CDH13: variants seen among roughly 807,000 people sequenced by gnomAD.
CDH13 encodes the protein cadherin 13, also known as cadherin-13.
In CDH13, 24 loss-of-function variants were observed where a neutral mutation model predicts 63.8. That is an observed-to-expected ratio of 0.38 (90% CI 0.27 to 0.53). CDH13 has a LOEUF of 0.53. Ranked by LOEUF, CDH13 falls within the 20% of genes least tolerant of loss-of-function variation. The pLI is 0.85. For missense variants in CDH13, 1,049 were observed against 903.1 expected (o/e 1.16, Z -2.07); for synonymous variants, 503 against 355.3 (o/e 1.42, Z -4.67).
In CDH13 at chr16:83,429,951, C is replaced by T. The variant is rs529822712; in HGVS notation, c.782-56526C>T. On this transcript the variant is annotated intron_variant, in intron 6 of 13. Transcript: ENST00000567109. Reference sequence around the variant, plus strand: ...CCCATTGATTATTAATTCCTCATTTCCCCTCCCTTCAGCCCCTGGCAACCA... The same window carrying T: ...CCCATTGATTATTAATTCCTCATTTTCCCTCCCTTCAGCCCCTGGCAACCA... Among the ~76,000 whole-genome samples, 38 of 152,244 alleles carry T rather than the reference C, an allele frequency of 2.5e-4. No individual in the cohort carries two copies. The South Asian group carries it at 3.9e-3, about 16-fold the overall frequency.
chr16:82,983,343 G>T (rs1382383159), intron 2 of CDH13, among the ~76,000 whole-genome samples: 3 of 151,990 alleles, frequency 2.0e-5, no homozygotes, highest in Non-Finnish European at 4.4e-5. Flanking sequence ...TTCTCACCCG[G>T]CTGTTTCCCC....
intron 6 of CDH13, among the ~76,000 whole-genome samples, chr16:83,482,842 T>TGA (rs531037729): frequency 2.2e-4 from 33 of 152,258 alleles, no homozygotes; most frequent in Middle Eastern, 3.4e-3. Flanking sequence ...AGGGACCCGG[T>TGA]GAGAGAGAGG....
At chr16:83,454,865 C>T (rs1202190569) in intron 6 of CDH13, among the ~76,000 whole-genome samples, 2 of 152,086 alleles carry the variant, frequency 1.3e-5, no homozygotes, top group African/African-American at 2.4e-5. Context: ...TGCCACCACA[C>T]CTGGCTAAGT....
intron 6 of CDH13, among the ~76,000 whole-genome samples, chr16:83,346,065 G>A (rs377009918): frequency 6.6e-6 from 1 of 152,110 alleles, no homozygotes; most frequent in South Asian, 2.1e-4. Context: ...AAGGAGCTGG[G>A]TCTTTATGCA....
intron 6 of CDH13, among the ~76,000 whole-genome samples, chr16:83,425,140 T>C (rs191530325): frequency 3.3e-4 from 51 of 152,318 alleles, no homozygotes; most frequent in African/African-American, 1.2e-3. Context: ...CTATGGTATT[T>C]GTAAAAGGTC....
chr16:82,751,983 C>T (rs1236274081), intron 1 of CDH13, among the ~76,000 whole-genome samples: 1 of 152,166 alleles, frequency 6.6e-6, no homozygotes, highest in Non-Finnish European at 1.5e-5. Flanking sequence ...GGCTAAACGC[C>T]AACAAACAAT....
intron 5 of CDH13, among the ~76,000 whole-genome samples, chr16:83,294,167 C>T (rs2089532485): frequency 1.3e-5 from 2 of 152,058 alleles, no homozygotes; most frequent in South Asian, 4.1e-4. Flanking sequence ...TTTAAAGTAT[C>T]TATACATTGT....
At chr16:82,751,457 C>T (rs573929289) in intron 1 of CDH13, among the ~76,000 whole-genome samples, 1 of 152,198 alleles carries the variant, frequency 6.6e-6, no homozygotes. Flanking sequence ...CCTGACCTTG[C>T]CCTACACAAG....
At chr16:83,502,397 A>G (rs1417868351) in intron 7 of CDH13, among the ~76,000 whole-genome samples, 2 of 152,102 alleles carry the variant, frequency 1.3e-5, no homozygotes, top group Non-Finnish European at 2.9e-5. Context: ...AAAAAGGAAA[A>G]AAAAAGGCAA....
chr16:83,452,059 G>A (rs2072900580), intron 6 of CDH13, among the ~76,000 whole-genome samples: 1 of 152,118 alleles, frequency 6.6e-6, no homozygotes, highest in Non-Finnish European at 1.5e-5. Context: ...TGCCCGGTCA[G>A]CCCTAATGTC....
intron 1 of CDH13, among the ~76,000 whole-genome samples, chr16:82,851,451 GAA>G (rs2039482859): frequency 5.6e-5 from 2 of 35,534 alleles, no homozygotes; most frequent in Non-Finnish European, 1.7e-4. Flanking sequence ...AAAATAAAAA[GAA>G]AAAGAAAAAG....
intron 8 of CDH13, among the ~76,000 whole-genome samples, chr16:83,666,944 T>C (rs4306498): frequency 1 from 151,953 of 152,262 alleles, 75,822 homozygotes; most frequent in Middle Eastern, 1. Context: ...CTGTAATCTC[T>C]CTGAGGAAAT....
At chr16:82,862,052 G>C (rs1041237236) in intron 2 of CDH13, among the ~76,000 whole-genome samples, 1 of 152,214 alleles carries the variant, frequency 6.6e-6, no homozygotes, top group African/African-American at 2.4e-5. Flanking sequence ...TCCATTTAAG[G>C]TCTTTGAATT....
intron 6 of CDH13, among the ~76,000 whole-genome samples, chr16:83,358,602 C>T (rs1001651245): frequency 3.9e-5 from 6 of 152,152 alleles, no homozygotes; most frequent in African/African-American, 7.2e-5. Context: ...ATCACTCAAC[C>T]AGTAAAAATT....
chr16:83,763,166 T>C (rs1432887925), intron 11 of CDH13, among the ~76,000 whole-genome samples: 2 of 152,176 alleles, frequency 1.3e-5, no homozygotes, highest in East Asian at 1.9e-4. Context: ...TAGCAACTTA[T>C]ATAAAGTATG....
chr16:83,382,417 A>T (rs945866744), intron 6 of CDH13, among the ~76,000 whole-genome samples: 1 of 152,142 alleles, frequency 6.6e-6, no homozygotes, highest in Non-Finnish European at 1.5e-5. Flanking sequence ...GAACAGAACA[A>T]AGAACTTCCA....
rs67886035 is a variant in CDH13, at chr16:83,743,748, C to CTTTTTTTTTTTTTTTTTTTTTTTTT, written c.1539-4341_1539-4340insTTTTTTTTTTTTTTTTTTTTTTTTT. 1.6e-4 allele frequency among the ~76,000 whole-genome samples: 12 copies of CTTTTTTTTTTTTTTTTTTTTTTTTT among 76,264 alleles called. 2 individuals carry two copies. Among genetic ancestry groups the CTTTTTTTTTTTTTTTTTTTTTTTTT allele is most frequent in the African/African-American group, 2.2e-4 (4 of 18,168 alleles). 50.0% of individuals were successfully genotyped at this position (76,264 alleles called of 152,430 possible). ...TGATGAGTTGCCTTTTTTCTTTTTT[C>CTTTTTTTTTTTTTTTTTTTTTTTTT]TTTTTTTTTTTTTTTTTTTCTTTGC... On this transcript the variant is annotated intron_variant, in intron 10 of 13. Transcript: ENST00000567109.
chr16:83,555,140 G>C (rs1236454181), intron 7 of CDH13, among the ~76,000 whole-genome samples: 1 of 152,156 alleles, frequency 6.6e-6, no homozygotes, highest in Admixed American at 6.5e-5. Flanking sequence ...TCATCAACCA[G>C]ACAGTTCAGC....
intron 7 of CDH13, among the ~76,000 whole-genome samples, chr16:83,503,193 G>A (rs879387599): frequency 6.6e-6 from 1 of 152,198 alleles, no homozygotes; most frequent in Non-Finnish European, 1.5e-5. Context: ...TTCAAGTAGT[G>A]TTGAGAAACT....
Sources: gnomAD v4.1 joint callset for allele counts (sites outside exome capture counted in the v4.1 genomes callset) on GRCh38, gnomAD v4.1.1 for gene constraint, MANE v1.5 for transcripts, NCBI Gene and HGNC (gene_info 2026-07-23, HGNC 2026-07-21) for gene names.